UNC45A: variants seen among roughly 807,000 people sequenced by gnomAD.
UNC45A encodes the protein protein unc-45 homolog A.
A neutral mutation model predicts 103.2 loss-of-function variants in UNC45A; 78 were observed. The observed-to-expected ratio is 0.76, with a 90% confidence interval of 0.63 to 0.91. UNC45A has a LOEUF of 0.91. Among genes scored for constraint, UNC45A ranks in the 40% least tolerant of loss-of-function variants. The probability of loss-of-function intolerance (pLI) is 0.00; values close to 1 mark genes in which losing one functional copy is unlikely to be tolerated. For missense variants in UNC45A, 1,193 were observed against 1,224.8 expected (o/e 0.97, Z 0.39); for synonymous variants, 495 against 504.6 (o/e 0.98, Z 0.25).
chr15:90,944,876 C>CG lies in UNC45A; in HGVS notation c.1028-12dup, dbSNP rs750828806. 1.2e-6 allele frequency: 2 copies of CG among 1,610,044 alleles called. No homozygotes were observed. Among genetic ancestry groups the CG allele is most frequent in the South Asian group, 1.1e-5 (1 of 90,878 alleles). On this transcript the variant is annotated splice_polypyrimidine_tract_variant and intron_variant, in intron 8 of 19. Coordinates refer to ENST00000418476, the MANE Select transcript of UNC45A (RefSeq NM_018671.5). ...TGGAACTAGTGTTCTACTGTCTAAGCGGGGTGTCTTTACAGGTCTGAAAAA... is the reference window on the plus strand; with the variant it reads ...TGGAACTAGTGTTCTACTGTCTAAGCGGGGGTGTCTTTACAGGTCTGAAAAA...
At chr15:90,944,074 C>A (rs558505300) in intron 8 of UNC45A, among the ~76,000 whole-genome samples, 15 of 127,436 alleles carry the variant, frequency 1.2e-4, no homozygotes, top group African/African-American at 4.5e-4. Flanking sequence ...TATATCAATT[C>A]ATCTCTCTTT....
chr15:90,949,576 C>G, intron 14 of UNC45A, 78 bp from the exon 15 acceptor site: 1 of 1,603,878 alleles, frequency 6.2e-7, no homozygotes, highest in Non-Finnish European at 8.5e-7. Context: ...TGGCTGCCGT[C>G]TTTGCTGAGC....
intron 17 of UNC45A, among the ~76,000 whole-genome samples, chr15:90,951,969 C>T (rs2151376551): frequency 6.6e-6 from 1 of 152,258 alleles, no homozygotes; most frequent in Admixed American, 6.5e-5. Flanking sequence ...GTTAGCCTCA[C>T]CATCACGACC....
At chr15:90,941,802 AC>A (rs1433454755) in intron 6 of UNC45A, among the ~76,000 whole-genome samples, 1 of 151,978 alleles carries the variant, frequency 6.6e-6, no homozygotes, top group East Asian at 1.9e-4. Context: ...TACTAAAAAT[AC>A]AAAAAATTAG....
chr15:90,948,033 T>C (rs1380341131), intron 11 of UNC45A, 109 bp from the exon 12 acceptor site: 2 of 1,549,016 alleles, frequency 1.3e-6, no homozygotes, highest in Non-Finnish European at 1.8e-6. Flanking sequence ...CGTGAACTGC[T>C]TCTGTACATT....
intron 8 of UNC45A, among the ~76,000 whole-genome samples, chr15:90,943,845 T>C (rs1406493569): frequency 6.6e-6 from 1 of 151,958 alleles, no homozygotes; most frequent in Non-Finnish European, 1.5e-5. Flanking sequence ...CGCATCAGTA[T>C]GCCCGGCTAA....
At chr15:90,939,247 T>C (rs903368169) in intron 4 of UNC45A, among the ~76,000 whole-genome samples, 2 of 152,206 alleles carry the variant, frequency 1.3e-5, no homozygotes, top group African/African-American at 4.8e-5. Flanking sequence ...TCCTAAAGTT[T>C]TGGGATTACA....
chr15:90,940,568 C>T, intron 6 of UNC45A, 95 bp downstream of exon 6: 5 of 1,464,168 alleles, frequency 3.4e-6, no homozygotes, highest in Non-Finnish European at 4.6e-6. Flanking sequence ...CGCCCATCTG[C>T]CCGTCCATCC....
chr15:90,936,347 C>T lies in UNC45A; in HGVS notation c.313C>T (p.Leu105=), dbSNP rs2036020088. The change falls in exon 4 of 20, where the codon CTG becomes TTG. Residue 105 remains leucine, a synonymous_variant. Transcript: ENST00000418476. ...CCGGCGGAGCCAAGCCCTAGAGAAG[C>T]TGGGCCGCCTGGACCAGGCTGTCCT... ...LYRRSQALEK[L]GRLDQAVLDL... 1.9e-6 allele frequency: 3 copies of T among 1,614,222 alleles called. No homozygotes were observed. The highest frequency in any genetic ancestry group is 2.5e-6 in the Non-Finnish European group (3 of 1,180,048).
At position 90,948,605 on chromosome 15, in the gene UNC45A, T is replaced by C. The variant is rs1867228; in HGVS notation, c.1738-49T>C. 7,779 of 1,601,894 alleles carry C rather than the reference T, an allele frequency of 4.9e-3. 303 individuals carry two copies. In the African/African-American group the frequency reaches 0.089, roughly 18 times the overall value. The stretch of plus-strand genomic sequence containing the variant: ...TGGGCCTGGGCAGCATTTATCTGAG[T>C]ACTGCTCTGCCCCGGGATGCCCATG... On this transcript the variant is annotated intron_variant, in intron 12 of 19. Coordinates refer to ENST00000418476, the MANE Select transcript of UNC45A (RefSeq NM_018671.5).
intron 17 of UNC45A, among the ~76,000 whole-genome samples, chr15:90,951,038 T>C (rs1463888968): frequency 6.6e-6 from 1 of 152,178 alleles, no homozygotes; most frequent in Non-Finnish European, 1.5e-5. Flanking sequence ...GACGGAGTCT[T>C]GCTCTGTCAC....
At chr15:90,932,543 C>T, upstream of UNC45A, 1 of 1,256,208 alleles carries the variant, frequency 8.0e-7, no homozygotes, top group Admixed American at 4.1e-5. Flanking sequence ...GAGCCCATCG[C>T]GCGGATGGGG....
chr15:90,942,389 G>A, intron 6 of UNC45A, 48 bp from the exon 7 acceptor site: 1 of 1,556,170 alleles, frequency 6.4e-7, no homozygotes, highest in Non-Finnish European at 8.7e-7. Flanking sequence ...CTCTGTGGCT[G>A]CCCTTCAACA....
At chr15:90,930,851 G>T, upstream of UNC45A, 1 of 220,014 alleles carries the variant, frequency 4.5e-6, no homozygotes, top group East Asian at 1.1e-4. Context: ...CACACAATTA[G>T]TCCTGCTTTG....
intron 8 of UNC45A, 147 bp from the exon 9 acceptor site, chr15:90,944,745 C>A: frequency 1.1e-6 from 1 of 932,014 alleles, no homozygotes; most frequent in Non-Finnish European, 1.6e-6. Context: ...ATCAGCTAAG[C>A]AGATTCTCCG....
At chr15:90,940,174 T>G in intron 5 of UNC45A, 132 bp from the exon 6 acceptor site, 1 of 964,804 alleles carries the variant, frequency 1.0e-6, no homozygotes, top group Non-Finnish European at 1.5e-6. Context: ...TTCAAAGAGG[T>G]TATTTTTTGG....
At chr15:90,939,655 G>A (rs2036188977) in intron 4 of UNC45A, 76 bp from the exon 5 acceptor site, 5 of 1,491,924 alleles carry the variant, frequency 3.4e-6, no homozygotes, top group South Asian at 2.3e-5. Context: ...GTGAGGAGCT[G>A]GAGACAAATG....
chr15:90,953,760 T>A lies in UNC45A; in HGVS notation c.*44T>A. Reference sequence around the variant, plus strand: ...CAAGGCTCATGCACACGCTACCTATTGTGGCACGGAGAGTAAGGACGGAAG... The same window carrying A: ...CAAGGCTCATGCACACGCTACCTATAGTGGCACGGAGAGTAAGGACGGAAG... On this transcript the variant is annotated 3_prime_UTR_variant, in exon 20 of 20. Coordinates refer to ENST00000418476, the MANE Select transcript of UNC45A (RefSeq NM_018671.5). The A allele has an allele frequency of 1.3e-6, 2 of 1,594,414 alleles. No individual in the cohort carries two copies. The highest frequency in any genetic ancestry group is 1.7e-6 in the Non-Finnish European group (2 of 1,168,422).
In UNC45A at chr15:90,949,434, T is replaced by A; in HGVS notation, c.1997T>A (p.Leu666Gln). 1 of 1,613,728 alleles carries A rather than the reference T, an allele frequency of 6.2e-7. No homozygotes were observed. Among genetic ancestry groups the A allele is most frequent in the East Asian group, 2.2e-5 (1 of 44,880 alleles). Residue 666 changes from leucine to glutamine, a missense_variant, in exon 14 of 20, where the codon CTG becomes CAG. Coordinates refer to ENST00000418476, the MANE Select transcript of UNC45A (RefSeq NM_018671.5). ...SPVLTSSCRELLSRVFLALVE... is the reference protein window; with the variant it reads ...SPVLTSSCREQLSRVFLALVE... ...GTGCTGACCAGTTCCTGCAGAGAGC[T>A]GCTCTCCAGGTGAGCCAGCCTTGGT...
Sources: gnomAD v4.1 joint callset for allele counts (sites outside exome capture counted in the v4.1 genomes callset) on GRCh38, gnomAD v4.1.1 for gene constraint, MANE v1.5 for transcripts, NCBI Gene and HGNC (gene_info 2026-07-23, HGNC 2026-07-21) for gene names.